Variants in PDE4B observed in about 807,000 individuals in gnomAD.
PDE4B encodes phosphodiesterase 4B, also known as 3',5'-cyclic-AMP phosphodiesterase 4B.
PDE4B carries 20 observed loss-of-function variants against 82.2 expected under a neutral mutation model. That is an observed-to-expected ratio of 0.24 (90% confidence interval 0.17 to 0.35). The LOEUF (loss-of-function observed/expected upper bound fraction) is 0.35, where lower values mean the gene tolerates loss of function less well. Ranked by LOEUF, PDE4B falls within the 10% of genes least tolerant of loss-of-function variation. The probability of loss-of-function intolerance (pLI) is 1.00; values close to 1 mark genes in which losing one functional copy is unlikely to be tolerated. For missense variants in PDE4B, 655 were observed against 907.2 expected, an observed-to-expected ratio of 0.72 and a Z score of 3.57; for synonymous variants, 320 against 318.9, an observed-to-expected ratio of 1.00 and a Z score of -0.04.
chr1:65,837,669 G>C (rs1646156062), intron 1 of PDE4B, among the ~76,000 whole-genome samples: 1 of 152,158 alleles, frequency 6.6e-6, no homozygotes, highest in Non-Finnish European at 1.5e-5. Flanking sequence ...TTGAGAACCA[G>C]AGTATATGGG....
intron 3 of PDE4B, among the ~76,000 whole-genome samples, chr1:66,096,525 T>TA (rs1446640134): frequency 2.8e-5 from 4 of 142,480 alleles, no homozygotes; most frequent in African/African-American, 7.6e-5. Context: ...TATATATATA[T>TA]ATATATATAT....
chr1:66,234,686 T>C (rs1652263840), intron 3 of PDE4B, among the ~76,000 whole-genome samples: 1 of 152,142 alleles, frequency 6.6e-6, no homozygotes, highest in South Asian at 2.1e-4. Context: ...TTGTATCTCT[T>C]CTTTTTTTTT....
intron 7 of PDE4B, among the ~76,000 whole-genome samples, chr1:66,331,246 A>G (rs185077046): frequency 1.4e-4 from 21 of 152,334 alleles, no homozygotes; most frequent in African/African-American, 4.1e-4. Context: ...GTTATATTAG[A>G]ACTCCATGTG....
chr1:66,054,024 G>A (rs137986675), intron 3 of PDE4B, among the ~76,000 whole-genome samples: 1 of 152,170 alleles, frequency 6.6e-6, no homozygotes, highest in African/African-American at 2.4e-5. Context: ...CCTAAATCCA[G>A]GTTGTGTGCT....
chr1:66,193,279 G>A (rs945688009), intron 3 of PDE4B, among the ~76,000 whole-genome samples: 19 of 152,228 alleles, frequency 1.2e-4, no homozygotes, highest in African/African-American at 4.6e-4. Context: ...ATTTTATGAA[G>A]CAGTCACTGT....
chr1:66,142,647 G>A (rs756022844), intron 3 of PDE4B, among the ~76,000 whole-genome samples: 5 of 152,092 alleles, frequency 3.3e-5, no homozygotes, highest in South Asian at 2.1e-4. Context: ...ATCCAGAAAC[G>A]AACAGGAAAT....
chr1:66,164,234 C>T (rs1484477608), intron 3 of PDE4B, among the ~76,000 whole-genome samples: 1 of 151,940 alleles, frequency 6.6e-6, no homozygotes, highest in Admixed American at 6.6e-5. Context: ...TGGTTCATCT[C>T]TTATGAAAAG....
chr1:66,011,572 A>ATAAT (rs1652489575), intron 3 of PDE4B, among the ~76,000 whole-genome samples: 1 of 152,086 alleles, frequency 6.6e-6, no homozygotes, highest in Admixed American at 6.6e-5. Context: ...ATTTTCAGGA[A>ATAAT]TAATTATATT....
At chr1:65,971,833 A>G (rs904101452) in intron 3 of PDE4B, among the ~76,000 whole-genome samples, 1 of 152,206 alleles carries the variant, frequency 6.6e-6, no homozygotes, top group Non-Finnish European at 1.5e-5. Context: ...GTATTTTGCT[A>G]TATTCCTGTA....
At chr1:65,814,341 CAG>C (rs1557760056) in intron 1 of PDE4B, among the ~76,000 whole-genome samples, 3 of 152,158 alleles carry the variant, frequency 2.0e-5, no homozygotes, top group Admixed American at 6.5e-5. Context: ...TATGTGAAAA[CAG>C]AAATTTATGA....
chr1:66,075,221 C>T (rs1442884676), intron 3 of PDE4B, among the ~76,000 whole-genome samples: 1 of 151,964 alleles, frequency 6.6e-6, no homozygotes, highest in Non-Finnish European at 1.5e-5. Context: ...TGAATTATTT[C>T]CTGGGCAAAG....
intron 3 of PDE4B, among the ~76,000 whole-genome samples, chr1:66,240,562 A>G (rs1249174505): frequency 1.3e-5 from 2 of 152,328 alleles, no homozygotes; most frequent in South Asian, 2.1e-4. Context: ...CTTTGTCTCT[A>G]TCACACTACT....
chr1:66,136,204 A>G (rs1646051864), intron 3 of PDE4B, among the ~76,000 whole-genome samples: 1 of 152,110 alleles, frequency 6.6e-6, no homozygotes, highest in Non-Finnish European at 1.5e-5. Context: ...TATCCTTTCT[A>G]CTTTAAGTTC....
chr1:65,856,332 T>C (rs796744272), intron 1 of PDE4B, among the ~76,000 whole-genome samples: 10 of 152,120 alleles, frequency 6.6e-5, no homozygotes, highest in African/African-American at 2.4e-4. Flanking sequence ...TCTTCCTCTC[T>C]TGCCCCACCC....
At chr1:65,948,584 A>G (rs1373440743) in intron 3 of PDE4B, among the ~76,000 whole-genome samples, 2 of 151,986 alleles carry the variant, frequency 1.3e-5, no homozygotes, top group African/African-American at 4.8e-5. Context: ...AGATTGGGTC[A>G]GCCTTTCCCA....
At chr1:65,824,442 G>A (rs7553999) in intron 1 of PDE4B, among the ~76,000 whole-genome samples, 1 of 151,640 alleles carries the variant, frequency 6.6e-6, no homozygotes, top group South Asian at 2.1e-4. Flanking sequence ...ATTAAATCTG[G>A]TGAATAAAAT....
At chr1:66,086,970 G>C (rs879376637) in intron 3 of PDE4B, among the ~76,000 whole-genome samples, 1 of 152,146 alleles carries the variant, frequency 6.6e-6, no homozygotes, top group African/African-American at 2.4e-5. Context: ...GAAGAGAAAG[G>C]TGCTTATGCC....
At chr1:66,338,462 C>T (rs1158881730) in intron 8 of PDE4B, among the ~76,000 whole-genome samples, 1 of 152,184 alleles carries the variant, frequency 6.6e-6, no homozygotes, top group Non-Finnish European at 1.5e-5. Context: ...GCCCTAAGCT[C>T]AGTCTTCTTG....
chr1:65,998,813 C>G (rs1651697980), intron 3 of PDE4B, among the ~76,000 whole-genome samples: 1 of 151,418 alleles, frequency 6.6e-6, no homozygotes, highest in African/African-American at 2.4e-5. Flanking sequence ...TTAGCTCAGT[C>G]CTAATTTACT....
Sources: gnomAD v4.1 joint callset for allele counts (sites outside exome capture counted in the v4.1 genomes callset) on GRCh38, gnomAD v4.1.1 for gene constraint, MANE v1.5 for transcripts, NCBI Gene and HGNC (gene_info 2026-07-23, HGNC 2026-07-21) for gene names.